The following HECW1 variants were observed in gnomAD, a reference collection of about 807,000 sequenced individuals.
HECW1 encodes HECT, C2 and WW domain containing E3 ubiquitin protein ligase 1.
HECW1 carries 61 observed loss-of-function variants against 182.3 expected under a neutral mutation model. That is an observed-to-expected ratio of 0.33 (90% CI 0.27 to 0.41). HECW1 has a LOEUF of 0.41. Ranked by LOEUF, HECW1 falls within the 10% of genes least tolerant of loss-of-function variation. HECW1 has a pLI of 1.00. For missense variants in HECW1, 1,739 were observed against 2,108.9 expected, an observed-to-expected ratio of 0.82 and a Z score of 3.44; for synonymous variants, 859 against 832.6, an observed-to-expected ratio of 1.03 and a Z score of -0.55.
intron 8 of HECW1, among the ~76,000 whole-genome samples, chr7:43,422,399 G>C (rs1266368225): frequency 7.2e-6 from 1 of 139,248 alleles, no homozygotes; most frequent in Non-Finnish European, 1.5e-5. Flanking sequence ...GTCTCGCTCT[G>C]TCACCCAGGC....
chr7:43,462,569 G>T (rs73098730), intron 13 of HECW1, among the ~76,000 whole-genome samples: 22,594 of 152,150 alleles, frequency 0.15, 1,930 homozygotes, highest in South Asian at 0.24. Context: ...GGAGACTCAG[G>T]GGGTGGGGCT....
At chr7:43,482,805 T>C (rs2078486109) in intron 17 of HECW1, among the ~76,000 whole-genome samples, 1 of 152,052 alleles carries the variant, frequency 6.6e-6, no homozygotes, top group African/African-American at 2.4e-5. Flanking sequence ...CTCGGGAGGC[T>C]GAAGTGGGAG....
At chr7:43,178,740 C>G (rs1792510394) in intron 2 of HECW1, among the ~76,000 whole-genome samples, 1 of 152,220 alleles carries the variant, frequency 6.6e-6, no homozygotes, top group South Asian at 2.1e-4. Flanking sequence ...GGTTGGGCAG[C>G]AAGGGGGACT....
intron 2 of HECW1, among the ~76,000 whole-genome samples, chr7:43,182,631 A>C (rs1021540692): frequency 2.0e-5 from 3 of 152,086 alleles, no homozygotes. Flanking sequence ...TGCTTTGCCT[A>C]TTTGAGGCCT....
intron 2 of HECW1, among the ~76,000 whole-genome samples, chr7:43,130,975 A>G (rs1371665407): frequency 1.3e-5 from 2 of 152,134 alleles, no homozygotes; most frequent in South Asian, 4.1e-4. Context: ...TATGTATAAA[A>G]TTTTATTTGG....
intron 13 of HECW1, among the ~76,000 whole-genome samples, chr7:43,461,995 G>A (rs1471556019): frequency 6.6e-6 from 1 of 152,192 alleles, no homozygotes; most frequent in African/African-American, 2.4e-5. Flanking sequence ...CAATCACTCA[G>A]ATGATGCTCT....
At chr7:43,404,519 T>C (rs1484434276) in intron 7 of HECW1, among the ~76,000 whole-genome samples, 4 of 152,236 alleles carry the variant, frequency 2.6e-5, no homozygotes, top group Non-Finnish European at 5.9e-5. Flanking sequence ...AGTGACTTAA[T>C]TTAGCAGCTA....
intron 7 of HECW1, among the ~76,000 whole-genome samples, 171 bp from the exon 8 acceptor site, chr7:43,407,391 G>A (rs558575036): frequency 3.3e-5 from 5 of 151,940 alleles, no homozygotes; most frequent in Non-Finnish European, 5.9e-5. Context: ...TGCTACCCAC[G>A]TTTCCTGGGG....
At chr7:43,363,926 C>T (rs1025189144) in intron 6 of HECW1, among the ~76,000 whole-genome samples, 10 of 152,266 alleles carry the variant, frequency 6.6e-5, no homozygotes, top group South Asian at 2.1e-4. Flanking sequence ...AGCAACTTTC[C>T]GGGTTAAATA....
intron 5 of HECW1, among the ~76,000 whole-genome samples, chr7:43,331,310 G>A (rs577167371): frequency 6.6e-6 from 1 of 152,192 alleles, no homozygotes; most frequent in East Asian, 1.9e-4. Context: ...TCGGGGTGGG[G>A]CCAGGCACAG....
chr7:43,474,857 T>C (rs1407522797), intron 16 of HECW1, among the ~76,000 whole-genome samples: 1 of 152,196 alleles, frequency 6.6e-6, no homozygotes, highest in Non-Finnish European at 1.5e-5. Context: ...CTTGAAGACA[T>C]TGTGCTAAGT....
intron 12 of HECW1, among the ~76,000 whole-genome samples, chr7:43,454,097 T>C (rs1562999228): frequency 6.6e-6 from 1 of 152,224 alleles, no homozygotes. Flanking sequence ...TGATAAATTA[T>C]CATTATTGCA....
At chr7:43,265,418 G>A (rs1248000141) in intron 3 of HECW1, among the ~76,000 whole-genome samples, 1 of 152,144 alleles carries the variant, frequency 6.6e-6, no homozygotes, top group African/African-American at 2.4e-5. Flanking sequence ...GCCTAAAGAA[G>A]AGCACAGATT....
chr7:43,498,621 G>T (rs923341828), intron 19 of HECW1, among the ~76,000 whole-genome samples: 129 of 152,166 alleles, frequency 8.5e-4, no homozygotes, highest in African/African-American at 3.1e-3. Flanking sequence ...TCTCTTTGCT[G>T]GGCTTTCACA....
intron 2 of HECW1, among the ~76,000 whole-genome samples, chr7:43,198,284 A>T (rs1794670223): frequency 7.2e-6 from 1 of 139,700 alleles, no homozygotes; most frequent in Admixed American, 7.1e-5. Flanking sequence ...ACACTCACAC[A>T]CCACACACAT....
intron 2 of HECW1, among the ~76,000 whole-genome samples, chr7:43,164,135 G>C (rs1790843378): frequency 6.6e-6 from 1 of 152,104 alleles, no homozygotes; most frequent in African/African-American, 2.4e-5. Context: ...TCAAAGAGCA[G>C]CTAAGGACCA....
At chr7:43,300,443 C>G (rs1253677172) in intron 3 of HECW1, among the ~76,000 whole-genome samples, 2 of 152,170 alleles carry the variant, frequency 1.3e-5, no homozygotes, top group Non-Finnish European at 2.9e-5. Context: ...TATGAACTGG[C>G]TTTGTCTCCT....
intron 7 of HECW1, among the ~76,000 whole-genome samples, chr7:43,401,717 C>T (rs112395795): frequency 0.03 from 4,614 of 151,734 alleles, 98 homozygotes; most frequent in Non-Finnish European, 0.038. Context: ...CCAAGTGATA[C>T]GGACAGGAGA....
At chr7:43,456,007 A>G (rs79589046) in intron 12 of HECW1, among the ~76,000 whole-genome samples, 1 of 147,980 alleles carries the variant, frequency 6.8e-6, no homozygotes, top group Non-Finnish European at 1.5e-5. Flanking sequence ...TCTCAAAAAG[A>G]AAAAAAAAAA....
Sources: allele counts gnomAD v4.1 joint callset (sites outside exome capture counted in the v4.1 genomes callset), GRCh38; gene constraint gnomAD v4.1.1; transcripts MANE v1.5; gene names NCBI Gene and HGNC (gene_info 2026-07-23, HGNC 2026-07-21).